PLD1: variants seen among roughly 807,000 people sequenced by gnomAD.
PLD1 encodes phospholipase D1, also known as choline phosphatase 1.
Under a neutral mutation model 137.1 loss-of-function variants are expected in PLD1, and 112 were observed. The observed-to-expected ratio is 0.82, with a 90% CI of 0.70 to 0.96. The LOEUF (loss-of-function observed/expected upper bound fraction) is 0.96, where lower values mean the gene tolerates loss of function less well. Ranked by LOEUF, PLD1 falls within the 40% of genes least tolerant of loss-of-function variation. PLD1 has a pLI of 0.00. For synonymous variants in PLD1, 431 were observed against 454.7 expected, an observed-to-expected ratio of 0.95 and a Z score of 0.66; for missense variants, 1,321 against 1,342.0, an observed-to-expected ratio of 0.98 and a Z score of 0.24.
chr3:171,757,109 A>G (rs1721081124), intron 1 of PLD1, among the ~76,000 whole-genome samples: 1 of 152,192 alleles, frequency 6.6e-6, no homozygotes, highest in Non-Finnish European at 1.5e-5. Flanking sequence ...TAAAAAGAAA[A>G]GGGGAAAAGA....
chr3:171,792,479 C>T, intron 1 of PLD1: 1 of 425,858 alleles, frequency 2.3e-6, no homozygotes, highest in Non-Finnish European at 4.7e-6. Flanking sequence ...CAGTACCACA[C>T]CAGCTGATCT....
chr3:171,792,327 AC>A, intron 1 of PLD1: 1 of 323,236 alleles, frequency 3.1e-6, no homozygotes, highest in South Asian at 2.5e-5. Flanking sequence ...CCCATCATGC[AC>A]CCAGGGGCCA....
intron 8 of PLD1, among the ~76,000 whole-genome samples, chr3:171,715,518 T>C (rs1717612058): frequency 6.6e-6 from 1 of 152,186 alleles, no homozygotes; most frequent in African/African-American, 2.4e-5. Context: ...ATGTCATTAG[T>C]ATTTTGATAG....
In PLD1 at chr3:171,600,854, C is replaced by T. The variant is rs1422771543; in HGVS notation, c.*2224G>A. Reference sequence around the variant, plus strand: ...TCATTTCATTAGCTCTCTCCTTCACCTTGTTTATTAATTCTACAAGCATTT... The same window carrying T: ...TCATTTCATTAGCTCTCTCCTTCACTTTGTTTATTAATTCTACAAGCATTT... On this transcript the variant is annotated 3_prime_UTR_variant, in exon 27 of 27. Transcript: ENST00000351298. 2.6e-5 allele frequency: 4 copies of T among 152,154 alleles called. No homozygotes were observed. The highest frequency in any genetic ancestry group is 7.2e-5 in the African/African-American group (3 of 41,424). 9.4% of individuals were successfully genotyped at this position (152,154 alleles called of 1,614,324 possible). A position where few individuals can be genotyped will look rare whatever the true frequency, so the allele number is the denominator to read the frequency against.
chr3:171,773,574 C>G (rs1722481208), intron 1 of PLD1, among the ~76,000 whole-genome samples: 2 of 152,112 alleles, frequency 1.3e-5, no homozygotes, highest in Admixed American at 1.3e-4. Context: ...TGCACTCCAG[C>G]CTGGGCAACA....
chr3:171,683,681 G>A (rs757682576), intron 16 of PLD1, among the ~76,000 whole-genome samples: 13 of 152,026 alleles, frequency 8.6e-5, no homozygotes, highest in Non-Finnish European at 1.3e-4. Context: ...ACTATTCTCC[G>A]TGATAATTAT....
At chr3:171,698,976 C>CAA (rs559343815) in intron 12 of PLD1, among the ~76,000 whole-genome samples, 46 of 77,188 alleles carry the variant, frequency 6.0e-4, no homozygotes, top group Admixed American at 1.9e-3. Flanking sequence ...AACCCCATCT[C>CAA]AAAAAAAAAA....
chr3:171,639,245 T>C (rs1020746610), intron 23 of PLD1, among the ~76,000 whole-genome samples: 2 of 141,474 alleles, frequency 1.4e-5, no homozygotes, highest in African/African-American at 5.3e-5. Context: ...CATATATTTA[T>C]AATATATAAC....
intron 1 of PLD1, among the ~76,000 whole-genome samples, chr3:171,803,370 A>G (rs111431486): frequency 1.3e-3 from 202 of 152,344 alleles, no homozygotes; most frequent in Non-Finnish European, 2.4e-3. Flanking sequence ...GATGGGGTGG[A>G]GAAGCTCGGA....
At chr3:171,632,233 A>C (rs9859424) in intron 23 of PLD1, among the ~76,000 whole-genome samples, 12,039 of 152,180 alleles carry the variant, frequency 0.079, 1,349 homozygotes, top group African/African-American at 0.25. Context: ...GGCCTGTACT[A>C]TTCAAAAACA....
chr3:171,648,624 G>A (rs1281205829), intron 21 of PLD1, among the ~76,000 whole-genome samples: 2 of 150,698 alleles, frequency 1.3e-5, no homozygotes, highest in Admixed American at 6.6e-5. Context: ...GTGCGATCTC[G>A]GCTCACTGCA....
At chr3:171,620,761 TATATA>T (rs1560151008) in intron 23 of PLD1, among the ~76,000 whole-genome samples, 37 of 139,908 alleles carry the variant, frequency 2.6e-4, no homozygotes, top group African/African-American at 9.9e-4. Flanking sequence ...TATATATATA[TATATA>T]TATTATATAT....
chr3:171,778,172 C>T (rs1722653711), intron 1 of PLD1, among the ~76,000 whole-genome samples: 1 of 152,202 alleles, frequency 6.6e-6, no homozygotes, highest in Admixed American at 6.5e-5. Flanking sequence ...TTGACATTCA[C>T]ATCTGCCATA....
intron 1 of PLD1, among the ~76,000 whole-genome samples, chr3:171,775,995 C>T (rs1722578791): frequency 6.6e-6 from 1 of 152,198 alleles, no homozygotes; most frequent in African/African-American, 2.4e-5. Flanking sequence ...CGCAGGACTT[C>T]TGACTTTGTG....
chr3:171,661,572 G>A (rs1711516848), intron 20 of PLD1, among the ~76,000 whole-genome samples: 1 of 152,092 alleles, frequency 6.6e-6, no homozygotes, highest in Non-Finnish European at 1.5e-5. Flanking sequence ...TGAAGAAGGT[G>A]GTACCTGCTC....
intron 9 of PLD1, among the ~76,000 whole-genome samples, chr3:171,710,033 T>G (rs1717032436): frequency 6.6e-6 from 1 of 152,090 alleles, no homozygotes; most frequent in Non-Finnish European, 1.5e-5. Flanking sequence ...AGAGAGCTGT[T>G]GGCTCCCGTA....
intron 1 of PLD1, among the ~76,000 whole-genome samples, chr3:171,794,459 G>C (rs1723349024): frequency 6.6e-6 from 1 of 152,280 alleles, no homozygotes; most frequent in South Asian, 2.1e-4. Context: ...ATAATGTTGT[G>C]TTGTGCTTCT....
chr3:171,729,154 G>A (rs758251891), intron 6 of PLD1, among the ~76,000 whole-genome samples: 2 of 152,154 alleles, frequency 1.3e-5, no homozygotes, highest in Admixed American at 6.5e-5. Flanking sequence ...TTAGCCTAAC[G>A]GCATTTCGCA....
chr3:171,776,533 T>C (rs1722596121), intron 1 of PLD1, among the ~76,000 whole-genome samples: 1 of 152,224 alleles, frequency 6.6e-6, no homozygotes, highest in Non-Finnish European at 1.5e-5. Context: ...AAGCAATTGG[T>C]TTGAAATTAG....
Sources: gnomAD v4.1 joint callset for allele counts (sites outside exome capture counted in the v4.1 genomes callset) on GRCh38, gnomAD v4.1.1 for gene constraint, MANE v1.5 for transcripts, NCBI Gene and HGNC (gene_info 2026-07-23, HGNC 2026-07-21) for gene names.